The following SHC1 variants were observed in gnomAD, a reference collection of about 807,000 sequenced individuals.
The protein encoded by SHC1 is SHC-transforming protein 1.
A neutral mutation model predicts 55.9 loss-of-function variants in SHC1; 30 were observed. That is an observed-to-expected ratio of 0.54 (90% CI 0.40 to 0.73). The LOEUF is 0.73. Among genes scored for constraint, SHC1 ranks in the 30% least tolerant of loss-of-function variants. The pLI, the probability that SHC1 is intolerant of heterozygous loss-of-function variation, is 0.00. For missense variants in SHC1, 675 were observed against 777.1 expected (o/e 0.87, Z 1.56); for synonymous variants, 309 against 306.1 (o/e 1.01, Z -0.10).
At chr1:154,971,409 A>C (rs1656735060), upstream of SHC1, among the ~76,000 whole-genome samples, 1 of 152,240 alleles carries the variant, frequency 6.6e-6, no homozygotes, top group African/African-American at 2.4e-5. Context: ...TGGATGATAC[A>C]TCAGGAAGCT....
intron 7 of SHC1, among the ~76,000 whole-genome samples, chr1:154,967,113 G>C (rs1306314945): frequency 6.8e-6 from 1 of 146,652 alleles, no homozygotes; most frequent in Non-Finnish European, 1.5e-5. Flanking sequence ...TCTCAAATAA[G>C]TAATGCTCTT....
At chr1:154,968,307 G>T in intron 4 of SHC1, 50 bp from the exon 5 acceptor site, 1 of 1,595,380 alleles carries the variant, frequency 6.3e-7, no homozygotes, top group Non-Finnish European at 8.6e-7. Flanking sequence ...CATGTGTCAG[G>T]CAGCCTCAGG....
At chr1:154,964,090 C>G in intron 11 of SHC1, 159 bp from the exon 12 acceptor site, 1 of 808,606 alleles carries the variant, frequency 1.2e-6, no homozygotes, top group Non-Finnish European at 2.2e-6. Flanking sequence ...TGAGGCTTCT[C>G]TAGAAAGAGA....
In SHC1 at chr1:154,962,324, A is replaced by T. The variant is rs1009905863; in HGVS notation, c.*1479T>A. On this transcript the variant is annotated 3_prime_UTR_variant, in exon 12 of 12. Coordinates refer to ENST00000448116, the MANE Select transcript of SHC1 (RefSeq NM_001130040.2). ...AGAAGAAATACGGACTTTAATGAAG[A>T]GTTTTCCCTTTGGTATAAGTGAGAC... 1 of 152,810 alleles carries T rather than the reference A, an allele frequency of 6.5e-6. No individual in the cohort carries two copies. The highest frequency in any genetic ancestry group is 2.4e-5 in the African/African-American group (1 of 41,458). The allele number at this position is 152,810 out of a possible 1,614,324, so 9.5% of individuals were successfully genotyped here.
Position 154,963,522 on chromosome 1 carries a change from C to G in SHC1, c.*281G>C, listed in dbSNP as rs1199911209. On this transcript the variant is annotated 3_prime_UTR_variant, in exon 12 of 12. Transcript: ENST00000448116. ...ATTTTCCATGACAAGCACTCACCTT[C>G]TTGGGGAAGGGGCATCAGGTTGGCA... is the stretch of plus-strand genomic sequence containing the variant. The G allele has an allele frequency of 3.0e-6, 1 of 338,848 alleles. No homozygotes were observed. Among genetic ancestry groups the G allele is most frequent in the African/African-American group, 2.1e-5 (1 of 48,544 alleles). The allele number at this position is 338,848 out of a possible 1,614,324, so 21.0% of individuals were successfully genotyped here. A position where few individuals can be genotyped will look rare whatever the true frequency, so the allele number is the denominator to read the frequency against.
chr1:154,970,120 C>T lies in SHC1; in HGVS notation c.407G>A (p.Arg136His). 3 of 1,613,536 alleles carry T rather than the reference C, an allele frequency of 1.9e-6. No homozygotes were observed. Among genetic ancestry groups the T allele is most frequent in the Non-Finnish European group, 1.7e-6 (2 of 1,179,918 alleles). Reference sequence around the variant, plus strand: ...GGGCTTATTGACAAAGCTCCCGTGGCGGGTCCACTCCTCGCCCCCAAGCTG... The same window carrying T: ...GGGCTTATTGACAAAGCTCCCGTGGTGGGTCCACTCCTCGCCCCCAAGCTG... ...GGQLGGEEWTRHGSFVNKPTR... is the reference protein window; with the variant it reads ...GGQLGGEEWTHHGSFVNKPTR... The change falls in exon 1 of 12, where the codon CGC becomes CAC. Residue 136 changes from arginine (R) to histidine (H), a missense_variant. Around this residue, in one of 3 missense-constraint regions of SHC1, gnomAD observed 159 missense variants for 246.9 expected, o/e 0.64. Coordinates refer to ENST00000448116, the MANE Select transcript of SHC1 (RefSeq NM_001130040.2). The surrounding 1 kb of genome is among the most constrained non-coding windows in gnomAD (Gnocchi z 5.5).
At position 154,962,516 on chromosome 1, in the gene SHC1, C is replaced by T. The variant is rs1380311303; in HGVS notation, c.*1287G>A. Reference sequence around the variant, plus strand: ...CTCAGGAACTGCAGGTTTTGCGTTTCCCCTCCATGAAACTGACAGGCATTC... The same window carrying T: ...CTCAGGAACTGCAGGTTTTGCGTTTTCCCTCCATGAAACTGACAGGCATTC... On this transcript the variant is annotated 3_prime_UTR_variant, in exon 12 of 12. Coordinates refer to ENST00000448116, the MANE Select transcript of SHC1 (RefSeq NM_001130040.2). The T allele has an allele frequency of 6.6e-6, 1 of 152,470 alleles. No homozygotes were observed. 9.4% of individuals were successfully genotyped at this position (152,470 alleles called of 1,614,324 possible).
rs755223389 is a variant in SHC1, at chr1:154,966,439, C to T, written c.1062G>A (p.Pro354=). 1.9e-5 allele frequency: 30 copies of T among 1,613,066 alleles called. No individual in the cohort carries two copies. In the South Asian group the frequency reaches 2.0e-4, roughly 11 times the overall value. ...PPDHQYYNDF[P]GKEPPLGGVV... is the part of the protein sequence containing the mutation. ...CCCCCCCCAAGGGGGGTTCCTTCCC[C>T]GGGAAGTCATTATAGTACTGATGGT... The change falls in exon 8 of 12, where the codon CCG becomes CCA. Residue 354 remains proline (P), a synonymous_variant. Transcript: ENST00000448116.
chr1:154,968,908 G>A (rs756348849), intron 2 of SHC1, 74 bp from the exon 3 acceptor site: 1 of 1,389,788 alleles, frequency 7.2e-7, no homozygotes, highest in Non-Finnish European at 1.0e-6. Flanking sequence ...CCACAGGGCT[G>A]GGGGAGGGGA....
chr1:154,967,537 G>GCT, intron 7 of SHC1, 134 bp downstream of exon 7: 1 of 941,284 alleles, frequency 1.1e-6, no homozygotes, highest in Non-Finnish European at 1.6e-6. Context: ...GGAAACAGAA[G>GCT]AATAGCAGGA....
intron 7 of SHC1, among the ~76,000 whole-genome samples, chr1:154,967,411 C>G (rs562147205): frequency 6.6e-6 from 1 of 152,120 alleles, no homozygotes; most frequent in Non-Finnish European, 1.5e-5. Flanking sequence ...GAAAATCCCA[C>G]CTAGCCAGAG....
chr1:154,965,982 T>C lies in SHC1; in HGVS notation c.1351A>G (p.Ile451Val), dbSNP rs2102056514. Residue 451 changes from isoleucine to valine, a missense_variant, in exon 10 of 12, where the codon ATC becomes GTC. By Grantham distance (29) the Ile-to-Val change is conservative. This residue lies in a region of SHC1 where 360 missense variants were observed against 371.1 expected (regional missense o/e 0.97). Coordinates refer to ENST00000448116, the MANE Select transcript of SHC1 (RefSeq NM_001130040.2). ...AGGTCCCGGGGTGCACTGCCATTGA[T>C]AGCAGGATTGGGGGGCCCAGCACCA... ...VGGAGPPNPA[I>V]NGSAPRDLFD... 1 of 1,613,918 alleles carries C rather than the reference T, an allele frequency of 6.2e-7. No homozygotes were observed. The highest frequency in any genetic ancestry group is 8.5e-7 in the Non-Finnish European group (1 of 1,179,916).
intron 5 of SHC1, 47 bp downstream of exon 5, chr1:154,968,157 A>C (rs1433760632): frequency 6.3e-7 from 1 of 1,599,046 alleles, no homozygotes; most frequent in Non-Finnish European, 8.6e-7. Context: ...CCCAATCCCT[A>C]GCCCCTTGCT....
Position 154,965,731 on chromosome 1 carries a change from T to TG in SHC1, c.1437dup (p.Met480HisfsTer3). The TG allele has an allele frequency of 6.2e-7, 1 of 1,614,066 alleles. No individual in the cohort carries two copies. The highest frequency in any genetic ancestry group is 8.5e-7 in the Non-Finnish European group (1 of 1,180,000). ...GGCTCCCCTCGGAGCTGCTCAGCCA[T>TG]GGACACCGACTGGGGAGGTGGAGGC... On this transcript the variant is annotated frameshift_variant, in exon 11 of 12. Transcript: ENST00000448116. LOFTEE classifies it high-confidence loss of function.
chr1:154,962,427 G>C lies in SHC1; in HGVS notation c.*1376C>G, dbSNP rs1332489608. ...TCCCTTATCCACAAGGCCAAAAGAG[G>C]GGGGGCCGGCTTGCTGTGGTGTGGC... On this transcript the variant is annotated 3_prime_UTR_variant, in exon 12 of 12. Coordinates refer to ENST00000448116, the MANE Select transcript of SHC1 (RefSeq NM_001130040.2). 6.5e-6 allele frequency: 1 copy of C among 152,730 alleles called. No homozygotes were observed. The highest frequency in any genetic ancestry group is 1.9e-4 in the East Asian group (1 of 5,330). 9.5% of individuals were successfully genotyped at this position (152,730 alleles called of 1,614,324 possible).
chr1:154,969,341 TC>T (rs1656435808), intron 2 of SHC1, 36 bp downstream of exon 2: 4 of 1,460,466 alleles, frequency 2.7e-6, no homozygotes, highest in Non-Finnish European at 3.8e-6. Flanking sequence ...GCCTCACTAA[TC>T]CCAGGACTCC....
At chr1:154,971,232 C>G (rs373068859), upstream of SHC1, among the ~76,000 whole-genome samples, 1 of 152,162 alleles carries the variant, frequency 6.6e-6, no homozygotes, top group Non-Finnish European at 1.5e-5. Context: ...CAGGCCACCC[C>G]CAACCGCTAC....
In SHC1 at chr1:154,969,454, G is replaced by A; in HGVS notation, c.496-6C>T. 1 of 1,607,506 alleles carries A rather than the reference G, an allele frequency of 6.2e-7. No individual in the cohort carries two copies. The highest frequency in any genetic ancestry group is 8.5e-7 in the Non-Finnish European group (1 of 1,175,190). On this transcript the variant is annotated splice_polypyrimidine_tract_variant and splice_region_variant and intron_variant, in intron 1 of 11. Transcript: ENST00000448116. ...ACCTCCACACAACCCATGTACTAAG[G>A]GGAGGGAGAAGAGGACAGCAGGTCA... is the stretch of plus-strand genomic sequence containing the variant.
chr1:154,963,888 A>G lies in SHC1; in HGVS notation c.1670T>C (p.Ile557Thr). 1 of 1,614,214 alleles carries G rather than the reference A, an allele frequency of 6.2e-7. No homozygotes were observed. The highest frequency in any genetic ancestry group is 8.5e-7 in the Non-Finnish European group (1 of 1,180,024). The change falls in exon 12 of 12, where the codon ATC becomes ACC. Residue 557 changes from isoleucine to threonine, a missense_variant. This residue lies in a region of SHC1 where 360 missense variants were observed against 371.1 expected (regional missense o/e 0.97). Coordinates refer to ENST00000448116, the MANE Select transcript of SHC1 (RefSeq NM_001130040.2). ...CAAGTGATTGTCCATGTGGTAGCTGATAAGGTGACTGACACTTTCAAAGCG... is the reference window on the plus strand; with the variant it reads ...CAAGTGATTGTCCATGTGGTAGCTGGTAAGGTGACTGACACTTTCAAAGCG... ...DHRFESVSHLISYHMDNHLPI... is the reference protein window; with the variant it reads ...DHRFESVSHLTSYHMDNHLPI...
Sources: gnomAD v4.1 joint callset for allele counts (sites outside exome capture counted in the v4.1 genomes callset) on GRCh38, gnomAD v4.1.1 for gene constraint, gnomAD v4.1.1 regional missense constraint, Gnocchi (gnomAD v3.1) non-coding constraint, MANE v1.5 for transcripts, NCBI Gene and HGNC (gene_info 2026-07-23, HGNC 2026-07-21) for gene names.